The following FTO variants were observed in gnomAD, a reference collection of about 807,000 sequenced individuals.
FTO encodes the protein alpha-ketoglutarate-dependent dioxygenase FTO.
FTO carries 47 observed loss-of-function variants against 63.9 expected under a neutral mutation model. That is an observed-to-expected ratio of 0.74 (90% CI 0.58 to 0.94). The LOEUF is 0.94. FTO is among the 40% of genes least tolerant of loss of function. FTO has a pLI of 0.00. For missense variants in FTO, 562 were observed against 618.1 expected (o/e 0.91, Z 0.96); for synonymous variants, 207 against 224.4 (o/e 0.92, Z 0.69).
intron 4 of FTO, among the ~76,000 whole-genome samples, chr16:53,865,998 A>G (rs1405261965): frequency 6.6e-6 from 1 of 152,198 alleles, no homozygotes; most frequent in Admixed American, 6.5e-5. Context: ...AAAAGTTTCT[A>G]GTTTCATACC....
intron 1 of FTO, among the ~76,000 whole-genome samples, chr16:53,765,694 G>T (rs1002026335): frequency 2.0e-5 from 3 of 152,254 alleles, no homozygotes; most frequent in Non-Finnish European, 4.4e-5. Flanking sequence ...CACCTTTGAT[G>T]TGAACTCCAA....
At chr16:54,050,557 C>T (rs2085287575) in intron 8 of FTO, among the ~76,000 whole-genome samples, 1 of 152,206 alleles carries the variant, frequency 6.6e-6, no homozygotes, top group Non-Finnish European at 1.5e-5. Flanking sequence ...AGGGTGGTGA[C>T]CAGGAATCCT....
At chr16:53,790,425 A>G (rs1321874105) in intron 1 of FTO, among the ~76,000 whole-genome samples, 1 of 151,964 alleles carries the variant, frequency 6.6e-6, no homozygotes. Flanking sequence ...GATTAAAATC[A>G]GGAGAAACAG....
chr16:54,079,765 G>A (rs867008067), intron 8 of FTO, among the ~76,000 whole-genome samples: 1 of 152,138 alleles, frequency 6.6e-6, no homozygotes, highest in Non-Finnish European at 1.5e-5. Flanking sequence ...GTCGCGACTC[G>A]GCTCTGGCCA....
At chr16:53,789,747 A>AACAT (rs1184623946) in intron 1 of FTO, among the ~76,000 whole-genome samples, 4 of 121,146 alleles carry the variant, frequency 3.3e-5, no homozygotes, top group African/African-American at 9.4e-5. Flanking sequence ...TAGTGTCTGG[A>AACAT]ACATACATAT....
chr16:54,037,124 A>G lies in FTO; in HGVS notation c.1365-74638A>G, dbSNP rs9922375. On this transcript the variant is annotated intron_variant, in intron 8 of 8. Coordinates refer to ENST00000471389, the MANE Select transcript of FTO (RefSeq NM_001080432.3). ...TGGGTAGAGACAGAATCTCTTTAGG[A>G]TCTCAATTCCAGATTCCCAGGGAGA... Among the ~76,000 whole-genome samples the G allele has an allele frequency of 6.6e-3, 1,001 of 152,266 alleles. 10 individuals are homozygous for G. The highest frequency in any genetic ancestry group is 0.023 in the African/African-American group (947 of 41,542).
intron 1 of FTO, among the ~76,000 whole-genome samples, chr16:53,779,095 T>C (rs1299027098): frequency 6.6e-6 from 1 of 152,174 alleles, no homozygotes; most frequent in Non-Finnish European, 1.5e-5. Flanking sequence ...CTTGCTTGTT[T>C]ATTTATTTAT....
Position 53,724,150 on chromosome 16 carries a change from G to T in FTO, c.45+19921G>T, listed in dbSNP as rs375002772. 7.2e-5 allele frequency among the ~76,000 whole-genome samples: 11 copies of T among 152,222 alleles called. No individual in the cohort carries two copies. In the East Asian group the frequency reaches 1.9e-3, roughly 27 times the overall value. On this transcript the variant is annotated intron_variant, in intron 1 of 8. Transcript: ENST00000471389. Reference sequence around the variant, plus strand: ...TATTTCTAAGAAATGCCATCCTGATGTACTCCTTTGTCCATCAGCCCAGTA... The same window carrying T: ...TATTTCTAAGAAATGCCATCCTGATTTACTCCTTTGTCCATCAGCCCAGTA...
chr16:54,015,382 T>G (rs1182533530), intron 8 of FTO, among the ~76,000 whole-genome samples: 1 of 152,212 alleles, frequency 6.6e-6, no homozygotes. Flanking sequence ...TTGTTTTCAT[T>G]TGGTAACAAT....
Position 54,117,066 on chromosome 16 carries a change from A to G in FTO, c.*5151A>G, listed in dbSNP as rs11076022. 52,263 of 152,096 alleles carry G rather than the reference A, an allele frequency of 0.34. 10,141 individuals are homozygous for G. The highest frequency in any genetic ancestry group is 0.52 in the East Asian group (2,666 of 5,162). The allele number at this position is 152,096 out of a possible 1,614,324, so 9.4% of individuals were successfully genotyped here. On this transcript the variant is annotated 3_prime_UTR_variant, in exon 9 of 9. Transcript: ENST00000471389. ...CCTCTGCTCTTTCTATCCCGCTGTC[A>G]TTCATCAGATTTTCCAAATCTTTGG...
intron 7 of FTO, among the ~76,000 whole-genome samples, chr16:53,893,184 C>T (rs1046437210): frequency 3.3e-5 from 5 of 152,140 alleles, no homozygotes; most frequent in African/African-American, 1.2e-4. Context: ...AGCAACATAA[C>T]CCTTTCTTAT....
intron 8 of FTO, among the ~76,000 whole-genome samples, chr16:54,010,890 A>G (rs1057229441): frequency 6.6e-6 from 1 of 152,176 alleles, no homozygotes; most frequent in African/African-American, 2.4e-5. Context: ...TCTTTCTCTG[A>G]TTCACAGATT....
At chr16:53,962,121 T>C (rs2143643788) in intron 8 of FTO, among the ~76,000 whole-genome samples, 1 of 152,332 alleles carries the variant, frequency 6.6e-6, no homozygotes, top group Admixed American at 6.5e-5. Context: ...ATAAACCATA[T>C]TCAGAGTTTA....
chr16:54,052,693 C>T (rs1401503736), intron 8 of FTO: 1 of 151,338 alleles, frequency 6.6e-6, no homozygotes, highest in Non-Finnish European at 1.5e-5. Context: ...AAGGGCTTCT[C>T]AATTATTGGT....
chr16:53,929,052 A>G (rs976165067), intron 7 of FTO, among the ~76,000 whole-genome samples: 1 of 152,146 alleles, frequency 6.6e-6, no homozygotes, highest in Non-Finnish European at 1.5e-5. Flanking sequence ...CATGTTGGTC[A>G]GGCTGATCTC....
chr16:53,908,056 T>C (rs562978672), intron 7 of FTO, among the ~76,000 whole-genome samples: 6 of 152,322 alleles, frequency 3.9e-5, no homozygotes, highest in Admixed American at 3.3e-4. Context: ...GTCATATAAT[T>C]TGTGAATCTT....
intron 1 of FTO, among the ~76,000 whole-genome samples, chr16:53,716,438 AGCTCTATTTACTG>A (rs1458471964): frequency 6.6e-6 from 1 of 152,094 alleles, no homozygotes; most frequent in Admixed American, 6.6e-5. Flanking sequence ...GGAATCCTTT[AGCTCTATTTACTG>A]GCTGAGTGAT....
chr16:53,828,503 G>A (rs1168566704), intron 3 of FTO, among the ~76,000 whole-genome samples: 1 of 152,058 alleles, frequency 6.6e-6, no homozygotes, highest in African/African-American at 2.4e-5. Context: ...CACCATGCCC[G>A]GCCTCCTTTG....
chr16:53,725,649 T>C (rs1485271250), intron 1 of FTO, among the ~76,000 whole-genome samples: 1 of 152,224 alleles, frequency 6.6e-6, no homozygotes, highest in African/African-American at 2.4e-5. Context: ...AGTTGACCTT[T>C]GTTCATATAA....
Sources: gnomAD v4.1 joint callset for allele counts (sites outside exome capture counted in the v4.1 genomes callset) on GRCh38, gnomAD v4.1.1 for gene constraint, MANE v1.5 for transcripts, NCBI Gene and HGNC (gene_info 2026-07-23, HGNC 2026-07-21) for gene names.